Variants in STX18 observed in about 807,000 individuals in gnomAD.
STX18 encodes syntaxin-18.
Under a neutral mutation model 50.1 loss-of-function variants are expected in STX18, and 40 were observed. The observed-to-expected ratio is 0.80, with a 90% CI of 0.62 to 1.04. STX18 has a LOEUF of 1.04. Among genes scored for constraint, STX18 ranks in the 50% least tolerant of loss-of-function variants. The pLI is 0.00. For synonymous variants in STX18, 158 were observed against 151.8 expected, an observed-to-expected ratio of 1.04 and a Z score of -0.30; for missense variants, 410 against 415.8, an observed-to-expected ratio of 0.99 and a Z score of 0.12.
chr4:4,439,328 TAC>T (rs909466455), intron 5 of STX18, among the ~76,000 whole-genome samples: 2 of 147,344 alleles, frequency 1.4e-5, no homozygotes, highest in Admixed American at 6.8e-5. Context: ...ATACCATATA[TAC>T]ACACCCACAT....
Position 4,541,838 on chromosome 4 carries a change from G to A in STX18, c.127C>T (p.Pro43Ser), listed in dbSNP as rs778585074. Residue 43 changes from proline (P) to serine (S), a missense_variant, in exon 1 of 11, where the codon CCC becomes TCC. By Grantham distance (74) the Pro-to-Ser change is moderately conservative. Transcript: ENST00000306200. ...CTGGAGAAGTCGCCCTTGGGCCGGGGGCTCCGGCGGAACAGCTCGTCCCGG... is the reference window on the plus strand; with the variant it reads ...CTGGAGAAGTCGCCCTTGGGCCGGGAGCTCCGGCGGAACAGCTCGTCCCGG... ...GSRDELFRRS[P>S]RPKGDFSSRA... 1.1e-4 allele frequency: 174 copies of A among 1,611,112 alleles called. No homozygotes were observed. The Admixed American group carries it at 2.8e-3, about 26-fold the overall frequency.
In STX18 at chr4:4,463,157, A is replaced by AT. The variant is rs564502339; in HGVS notation, c.237-3671dup. ...ATCCCTCCCACTGTTGGCTTTGCAAATTTTTTCTGAAAAGGGCCAGAGAGT... is the reference window on the plus strand; with the variant it reads ...ATCCCTCCCACTGTTGGCTTTGCAAATTTTTTTCTGAAAAGGGCCAGAGAGT... On this transcript the variant is annotated intron_variant, in intron 2 of 10. Coordinates refer to ENST00000306200, the MANE Select transcript of STX18 (RefSeq NM_016930.4). Among the ~76,000 whole-genome samples the AT allele has an allele frequency of 5.3e-3, 803 of 152,094 alleles. 4 individuals carry two copies. Among genetic ancestry groups the AT allele is most frequent in the Non-Finnish European group, 8.8e-3 (596 of 67,996 alleles).
intron 1 of STX18, among the ~76,000 whole-genome samples, chr4:4,502,752 T>C (rs1489081251): frequency 6.6e-6 from 1 of 152,190 alleles, no homozygotes; most frequent in Non-Finnish European, 1.5e-5. Context: ...GCACATGTAA[T>C]TTCAAGGGAA....
intron 1 of STX18, among the ~76,000 whole-genome samples, chr4:4,481,888 A>G (rs1728481211): frequency 1.3e-5 from 2 of 152,166 alleles, no homozygotes; most frequent in South Asian, 4.1e-4. Context: ...GGGAATACAT[A>G]AAGGAACTGT....
intron 1 of STX18, among the ~76,000 whole-genome samples, chr4:4,515,831 C>T (rs980664468): frequency 6.6e-6 from 1 of 151,936 alleles, no homozygotes; most frequent in African/African-American, 2.4e-5. Flanking sequence ...TGGTAAAATC[C>T]CCTCCCCAAC....
At chr4:4,462,590 C>A (rs1416524833) in intron 2 of STX18, among the ~76,000 whole-genome samples, 2 of 151,860 alleles carry the variant, frequency 1.3e-5, no homozygotes, top group African/African-American at 4.8e-5. Flanking sequence ...AGCTGGGTAT[C>A]ATGTCATATG....
intron 2 of STX18, among the ~76,000 whole-genome samples, chr4:4,466,889 C>T (rs924322645): frequency 2.0e-5 from 3 of 152,012 alleles, no homozygotes; most frequent in Admixed American, 6.6e-5. Context: ...TTTGGAGGCT[C>T]GATTTTTAAA....
chr4:4,515,421 C>T (rs191835721), intron 1 of STX18, among the ~76,000 whole-genome samples: 9 of 152,122 alleles, frequency 5.9e-5, no homozygotes, highest in African/African-American at 2.2e-4. Flanking sequence ...AGCCAAGGTT[C>T]CTGGATAAAA....
At chr4:4,461,890 C>T in intron 2 of STX18, 1 of 456,276 alleles carries the variant, frequency 2.2e-6, no homozygotes, top group Non-Finnish European at 4.4e-6. Flanking sequence ...ACCTTTCTCT[C>T]CTCTCTTTTA....
At chr4:4,527,892 C>G (rs1479455869) in intron 1 of STX18, among the ~76,000 whole-genome samples, 1 of 128,028 alleles carries the variant, frequency 7.8e-6, no homozygotes, top group Non-Finnish European at 1.7e-5. Context: ...TAAAAACTAC[C>G]TTAAATTAAA....
chr4:4,421,050 A>T (rs990076017), intron 9 of STX18, 106 bp from the exon 10 acceptor site: 12 of 1,177,682 alleles, frequency 1.0e-5, no homozygotes, highest in Non-Finnish European at 1.4e-5. Context: ...AGCGCTCAGA[A>T]AGTTTCAGAT....
intron 5 of STX18, among the ~76,000 whole-genome samples, chr4:4,440,020 T>C (rs1046791384): frequency 6.6e-5 from 10 of 152,226 alleles, no homozygotes; most frequent in African/African-American, 2.4e-4. Flanking sequence ...TGGTATTCCA[T>C]TGCATAAATA....
intron 1 of STX18, among the ~76,000 whole-genome samples, chr4:4,494,689 G>A (rs1195372141): frequency 6.6e-6 from 1 of 152,120 alleles, no homozygotes; most frequent in Non-Finnish European, 1.5e-5. Context: ...TAACAATCAA[G>A]CTCCAGGTTA....
chr4:4,501,560 C>A (rs531831133), intron 1 of STX18, among the ~76,000 whole-genome samples: 115 of 152,314 alleles, frequency 7.6e-4, no homozygotes, highest in Non-Finnish European at 1.5e-3. Flanking sequence ...CACTACATGA[C>A]CTCTCAGACT....
At position 4,541,997 on chromosome 4, in the gene STX18, C is replaced by A. The variant is rs751290729; in HGVS notation, c.-33G>T. 1.9e-6 allele frequency: 3 copies of A among 1,544,564 alleles called. No homozygotes were observed. Among genetic ancestry groups the A allele is most frequent in the Admixed American group, 3.8e-5 (2 of 53,090 alleles). On this transcript the variant is annotated 5_prime_UTR_variant, in exon 1 of 11. Coordinates refer to ENST00000306200, the MANE Select transcript of STX18 (RefSeq NM_016930.4). ...CGCACCCTCAGCCCCACACTAGGCC[C>A]GCCCACGTAAGCAGCCGGCGACCGC... is the stretch of plus-strand genomic sequence containing the variant.
intron 1 of STX18, among the ~76,000 whole-genome samples, chr4:4,491,356 CAATT>C (rs1728933253): frequency 1.3e-5 from 2 of 151,886 alleles, no homozygotes; most frequent in African/African-American, 4.8e-5. Context: ...ATATAAGGCT[CAATT>C]AAAGTTTTAG....
chr4:4,472,427 T>C (rs1353008346), intron 1 of STX18, among the ~76,000 whole-genome samples: 2 of 152,232 alleles, frequency 1.3e-5, no homozygotes, highest in African/African-American at 2.4e-5. Context: ...GAATGATTAC[T>C]AGCCAGTGGC....
At chr4:4,450,624 G>C (rs1334169332) in intron 5 of STX18, among the ~76,000 whole-genome samples, 3 of 152,012 alleles carry the variant, frequency 2.0e-5, no homozygotes, top group Non-Finnish European at 4.4e-5. Context: ...TTTATTATTT[G>C]ATCTATTCTC....
At chr4:4,448,444 C>A (rs1255702182) in intron 5 of STX18, among the ~76,000 whole-genome samples, 7 of 151,902 alleles carry the variant, frequency 4.6e-5, no homozygotes, top group Non-Finnish European at 1.0e-4. Flanking sequence ...CAGGCTCAAA[C>A]GATTCTTGTG....
Sources: gnomAD v4.1 joint callset for allele counts (sites outside exome capture counted in the v4.1 genomes callset) on GRCh38, gnomAD v4.1.1 for gene constraint, MANE v1.5 for transcripts, NCBI Gene and HGNC (gene_info 2026-07-23, HGNC 2026-07-21) for gene names.